Variants in ARHGAP15 observed in about 807,000 individuals in gnomAD.
The protein encoded by ARHGAP15 is Rho GTPase activating protein 15, also known as rho GTPase-activating protein 15.
A neutral mutation model predicts 63.7 loss-of-function variants in ARHGAP15; 51 were observed. The ratio of observed to expected loss-of-function variants is 0.80; its 90% CI spans 0.64 to 1.01. The LOEUF is 1.01. Ranked by LOEUF, ARHGAP15 falls within the 50% of genes least tolerant of loss-of-function variation. The pLI is 0.00. For synonymous variants in ARHGAP15, 191 were observed against 193.8 expected (o/e 0.99, Z 0.12); for missense variants, 560 against 564.6 (o/e 0.99, Z 0.08).
chr2:143,249,433 C>G (rs898902653), intron 5 of ARHGAP15, among the ~76,000 whole-genome samples: 3 of 151,944 alleles, frequency 2.0e-5, no homozygotes, highest in Non-Finnish European at 4.4e-5. Context: ...ACATATTTAC[C>G]ATTCTTTCAT....
intron 11 of ARHGAP15, among the ~76,000 whole-genome samples, chr2:143,617,990 C>G (rs942486804): frequency 2.0e-5 from 3 of 152,198 alleles, no homozygotes; most frequent in Non-Finnish European, 4.4e-5. Flanking sequence ...TTAGTTTTCT[C>G]AGATAATATC....
chr2:143,440,072 A>G (rs1341162733), intron 8 of ARHGAP15, among the ~76,000 whole-genome samples: 1 of 151,992 alleles, frequency 6.6e-6, no homozygotes, highest in Non-Finnish European at 1.5e-5. Context: ...GTTTTTTGCA[A>G]TGTAGGACAC....
At chr2:143,671,278 T>C (rs1682512552) in intron 12 of ARHGAP15, among the ~76,000 whole-genome samples, 1 of 152,142 alleles carries the variant, frequency 6.6e-6, no homozygotes, top group East Asian at 1.9e-4. Flanking sequence ...CTGGGGGATT[T>C]GCTTCTAGGT....
At chr2:143,733,772 A>G (rs1020214005) in intron 13 of ARHGAP15, among the ~76,000 whole-genome samples, 1 of 152,148 alleles carries the variant, frequency 6.6e-6, no homozygotes, top group African/African-American at 2.4e-5. Context: ...ATTGACCCCT[A>G]CCTAATAAGA....
At chr2:143,129,904 A>G (rs893615085) in intron 1 of ARHGAP15, among the ~76,000 whole-genome samples, 1 of 152,182 alleles carries the variant, frequency 6.6e-6, no homozygotes, top group African/African-American at 2.4e-5. Flanking sequence ...AAAGATACTC[A>G]CTTTAAAGCA....
intron 6 of ARHGAP15, among the ~76,000 whole-genome samples, chr2:143,413,119 C>T (rs983634231): frequency 6.6e-6 from 1 of 152,092 alleles, no homozygotes; most frequent in Non-Finnish European, 1.5e-5. Context: ...TATTAAAAAT[C>T]TTTTTGAATC....
chr2:143,265,516 A>G (rs1046050188), intron 6 of ARHGAP15, among the ~76,000 whole-genome samples: 17 of 152,190 alleles, frequency 1.1e-4, no homozygotes, highest in African/African-American at 4.1e-4. Flanking sequence ...TTTGTTTCTA[A>G]AAGTTGAAAA....
At chr2:143,753,089 G>A (rs1243534355) in intron 13 of ARHGAP15, among the ~76,000 whole-genome samples, 2 of 152,214 alleles carry the variant, frequency 1.3e-5, no homozygotes, top group Non-Finnish European at 2.9e-5. Context: ...AGGTTACAAT[G>A]AGCTATGATT....
chr2:143,600,140 T>C (rs1162961338), intron 11 of ARHGAP15, among the ~76,000 whole-genome samples: 1 of 152,208 alleles, frequency 6.6e-6, no homozygotes, highest in African/African-American at 2.4e-5. Context: ...TCGGCCTGAT[T>C]TGGCTATATT....
chr2:143,134,857 T>A (rs1248021851), intron 1 of ARHGAP15, among the ~76,000 whole-genome samples: 1 of 152,130 alleles, frequency 6.6e-6, no homozygotes, highest in Non-Finnish European at 1.5e-5. Flanking sequence ...CAGGATGGTG[T>A]CGATCTCCTG....
At chr2:143,261,683 T>C (rs1680733100) in intron 6 of ARHGAP15, among the ~76,000 whole-genome samples, 1 of 152,082 alleles carries the variant, frequency 6.6e-6, no homozygotes, top group Non-Finnish European at 1.5e-5. Flanking sequence ...GTTTCAAATC[T>C]TTTTAAGCAA....
intron 6 of ARHGAP15, among the ~76,000 whole-genome samples, chr2:143,256,179 T>C (rs1256516562): frequency 1.3e-5 from 2 of 152,138 alleles, no homozygotes; most frequent in African/African-American, 4.8e-5. Context: ...TACAAAGAAG[T>C]GATTTTAATA....
At chr2:143,469,281 G>A (rs1691399769) in intron 8 of ARHGAP15, among the ~76,000 whole-genome samples, 1 of 152,150 alleles carries the variant, frequency 6.6e-6, no homozygotes, top group Non-Finnish European at 1.5e-5. Flanking sequence ...CAGGTAGCAT[G>A]CTAGAATAAA....
intron 1 of ARHGAP15, among the ~76,000 whole-genome samples, chr2:143,153,007 G>A (rs185036318): frequency 4.2e-4 from 64 of 152,092 alleles, no homozygotes; most frequent in African/African-American, 1.5e-3. Context: ...GGGGAAGCCA[G>A]ATAAAAGGCT....
chr2:143,408,349 C>T (rs1016533102), intron 6 of ARHGAP15, among the ~76,000 whole-genome samples: 15 of 149,956 alleles, frequency 1.0e-4, no homozygotes, highest in East Asian at 3.9e-4. Flanking sequence ...AAATTTTGTG[C>T]GCTTTTCTAT....
chr2:143,259,704 A>G (rs1187134462), intron 6 of ARHGAP15, among the ~76,000 whole-genome samples: 1 of 152,150 alleles, frequency 6.6e-6, no homozygotes, highest in Non-Finnish European at 1.5e-5. Context: ...CATTCATCTG[A>G]TGGCAGTCCT....
intron 6 of ARHGAP15, among the ~76,000 whole-genome samples, chr2:143,432,000 G>A (rs1435969418): frequency 6.6e-6 from 1 of 151,940 alleles, no homozygotes; most frequent in Non-Finnish European, 1.5e-5. Flanking sequence ...CATCAAATAT[G>A]TTTTGCTGAT....
chr2:143,307,258 T>C (rs1683215375), intron 6 of ARHGAP15, among the ~76,000 whole-genome samples: 1 of 152,122 alleles, frequency 6.6e-6, no homozygotes, highest in Non-Finnish European at 1.5e-5. Flanking sequence ...TTTGGGACCA[T>C]GGTTACATCT....
At chr2:143,767,423 C>A (rs2072956017) in intron 13 of ARHGAP15, among the ~76,000 whole-genome samples, 1 of 152,126 alleles carries the variant, frequency 6.6e-6, no homozygotes, top group African/African-American at 2.4e-5. Flanking sequence ...TGGCATTAAG[C>A]TAAATTGGCT....
Sources: gnomAD v4.1 joint callset for allele counts (sites outside exome capture counted in the v4.1 genomes callset) on GRCh38, gnomAD v4.1.1 for gene constraint, MANE v1.5 for transcripts, NCBI Gene and HGNC (gene_info 2026-07-23, HGNC 2026-07-21) for gene names.